RUNX1: variants seen among roughly 807,000 people sequenced by gnomAD.
RUNX1 encodes runt-related transcription factor 1.
In RUNX1, 19 loss-of-function variants were observed where a neutral mutation model predicts 42.8. The ratio of observed to expected loss-of-function variants is 0.44; its 90% confidence interval spans 0.31 to 0.65. The LOEUF (loss-of-function observed/expected upper bound fraction) is 0.65. RUNX1 is among the 30% of genes least tolerant of loss of function. The pLI is 0.07. For synonymous variants in RUNX1, 271 were observed against 289.4 expected (o/e 0.94, Z 0.64); for missense variants, 528 against 672.0 (o/e 0.79, Z 2.37).
chr21:34,889,629 C>G, intron 3 of RUNX1: 1 of 1,085,462 alleles, frequency 9.2e-7, no homozygotes, highest in South Asian at 2.5e-5. Flanking sequence ...GGCCCCCGCT[C>G]CTCTCCCCGC....
intron 2 of RUNX1, among the ~76,000 whole-genome samples, chr21:35,015,169 C>T (rs11700637): frequency 0.036 from 5,468 of 152,264 alleles, 142 homozygotes; most frequent in Admixed American, 0.048. Context: ...ATCCTGGGCA[C>T]GTTCCTAAAT....
chr21:34,991,299 C>T (rs867544457), intron 2 of RUNX1, among the ~76,000 whole-genome samples: 33 of 146,866 alleles, frequency 2.2e-4, no homozygotes, highest in African/African-American at 8.3e-4. Context: ...TGGCTAGATA[C>T]CCCTTGTTAA....
In RUNX1 at chr21:34,789,236, G is replaced by T. The variant is rs566501925; in HGVS notation, c.*2899C>A. On this transcript the variant is annotated 3_prime_UTR_variant, in exon 9 of 9. Coordinates refer to ENST00000675419, the MANE Select transcript of RUNX1 (RefSeq NM_001754.5). The stretch of plus-strand genomic sequence containing the variant: ...TGTGTTCTGAAATTTGGTACTGGGT[G>T]GGGGTATGTGCTATCTGCTTAAGAG... The T allele has an allele frequency of 1.1e-4, 26 of 233,306 alleles. No individual in the cohort carries two copies. Among genetic ancestry groups the T allele is most frequent in the Non-Finnish European group, 1.9e-4 (22 of 118,184 alleles). The allele number at this position is 233,306 out of a possible 1,614,324, so 14.5% of individuals were successfully genotyped here.
chr21:34,810,261 A>C (rs997667789), intron 7 of RUNX1, among the ~76,000 whole-genome samples: 1 of 152,244 alleles, frequency 6.6e-6, no homozygotes, highest in African/African-American at 2.4e-5. Flanking sequence ...CCCAGCAAGC[A>C]GTCTCTGTTG....
intron 2 of RUNX1, among the ~76,000 whole-genome samples, chr21:35,007,654 C>A (rs1167523721): frequency 6.6e-6 from 1 of 152,154 alleles, no homozygotes; most frequent in African/African-American, 2.4e-5. Flanking sequence ...GCCTCTACTC[C>A]TTGCTCTTCA....
chr21:34,791,500 T>G lies in RUNX1; in HGVS notation c.*635A>C, dbSNP rs1423733238. The G allele has an allele frequency of 4.3e-6, 1 of 231,458 alleles. No individual in the cohort carries two copies. The highest frequency in any genetic ancestry group is 8.5e-6 in the Non-Finnish European group (1 of 117,178). 14.3% of individuals were successfully genotyped at this position (231,458 alleles called of 1,614,324 possible). ...GTCCAAAAGAAAAGTTAAATAAAAC[T>G]TAAAGAAAAGGGAATCATATTTCTT... On this transcript the variant is annotated 3_prime_UTR_variant, in exon 9 of 9. Coordinates refer to ENST00000675419, the MANE Select transcript of RUNX1 (RefSeq NM_001754.5).
At chr21:34,874,573 G>A (rs1205526908) in intron 5 of RUNX1, among the ~76,000 whole-genome samples, 1 of 118,332 alleles carries the variant, frequency 8.5e-6, no homozygotes, top group Non-Finnish European at 1.6e-5. Context: ...TCACACCACT[G>A]CACTCCAGCC....
At chr21:34,898,722 A>T (rs1443099215) in intron 2 of RUNX1, among the ~76,000 whole-genome samples, 1 of 152,012 alleles carries the variant, frequency 6.6e-6, no homozygotes, top group Non-Finnish European at 1.5e-5. Flanking sequence ...CTCACCTTTA[A>T]ATTCCCTAGG....
intron 2 of RUNX1, among the ~76,000 whole-genome samples, chr21:34,893,770 G>GTT (rs67786578): frequency 2.9e-5 from 4 of 137,662 alleles, no homozygotes; most frequent in Admixed American, 7.1e-5. Flanking sequence ...TTAGTATGCT[G>GTT]TTTTTTTTTT....
rs746368865 is a variant in RUNX1 at position 34,907,710 on chromosome 21, G to A, written c.59-14747C>T. Among the ~76,000 whole-genome samples the A allele has an allele frequency of 1.3e-5, 2 of 152,158 alleles. No homozygotes were observed. Among genetic ancestry groups the A allele is most frequent in the Non-Finnish European group, 2.9e-5 (2 of 68,038 alleles). ...GAAAACCAATTAAATCATAACTGCC[G>A]AAGTGCCTTGTCAAGCTAAACAGTC... On this transcript the variant is annotated intron_variant, in intron 2 of 8. Transcript: ENST00000675419. The surrounding 1 kb of genome is among the most constrained non-coding windows in gnomAD (Gnocchi z 5.3).
intron 7 of RUNX1, 187 bp downstream of exon 7, chr21:34,834,223 G>C (rs1324497897): frequency 1.4e-6 from 1 of 711,156 alleles, no homozygotes; most frequent in Non-Finnish European, 2.5e-6. Context: ...CGGTGGGTCT[G>C]GGGTGGGTGG....
chr21:34,867,433 C>T (rs777909023), intron 5 of RUNX1, among the ~76,000 whole-genome samples: 12 of 152,038 alleles, frequency 7.9e-5, no homozygotes, highest in Non-Finnish European at 1.8e-4. Context: ...GAGTAAGACC[C>T]TGTCTCTAAA....
At chr21:34,922,332 G>A (rs147643718) in intron 2 of RUNX1, among the ~76,000 whole-genome samples, 202 of 152,214 alleles carry the variant, frequency 1.3e-3, no homozygotes, top group South Asian at 2.9e-3. Flanking sequence ...TACCATCCCT[G>A]GGCTAGGAAC....
chr21:35,002,691 C>A (rs546374497), intron 2 of RUNX1, among the ~76,000 whole-genome samples: 1 of 152,164 alleles, frequency 6.6e-6, no homozygotes, highest in Non-Finnish European at 1.5e-5. Context: ...CCCTCCCAAA[C>A]TGCTGGGATT....
rs140513866 is a variant in RUNX1 at position 34,974,671 on chromosome 21, C to T, written c.58+74171G>A. Among the ~76,000 whole-genome samples the T allele has an allele frequency of 4.4e-3, 670 of 152,284 alleles. 9 individuals are homozygous for T. The highest frequency in any genetic ancestry group is 0.015 in the African/African-American group (637 of 41,558). On this transcript the variant is annotated intron_variant, in intron 2 of 8. Coordinates refer to ENST00000675419, the MANE Select transcript of RUNX1 (RefSeq NM_001754.5). ...TGCCAACTCCTGCTCCTGCTCTCTG[C>T]CGGCACTCCTTCTAGAAACGGCCTT...
chr21:34,867,253 A>G (rs900055325), intron 5 of RUNX1, among the ~76,000 whole-genome samples: 1 of 151,732 alleles, frequency 6.6e-6, no homozygotes, highest in African/African-American at 2.4e-5. Flanking sequence ...AAAAAATAAA[A>G]TAAAATAAAA....
At chr21:34,986,570 T>C (rs2058889479) in intron 2 of RUNX1, among the ~76,000 whole-genome samples, 1 of 147,996 alleles carries the variant, frequency 6.8e-6, no homozygotes, top group Non-Finnish European at 1.5e-5. Context: ...CATACTAGAT[T>C]AGGTTGGCTG....
At chr21:34,987,376 G>A (rs78467249) in intron 2 of RUNX1, among the ~76,000 whole-genome samples, 1,558 of 152,226 alleles carry the variant, frequency 0.01, 20 homozygotes, top group African/African-American at 0.035. Context: ...AGAGATCTTC[G>A]GGGCTCCAGA....
intron 5 of RUNX1, among the ~76,000 whole-genome samples, chr21:34,877,437 A>C (rs1601509558): frequency 6.6e-6 from 1 of 152,164 alleles, no homozygotes; most frequent in Non-Finnish European, 1.5e-5. Flanking sequence ...CCCGGTCCCC[A>C]GAGCTCCCTA....
Sources: allele counts gnomAD v4.1 joint callset (sites outside exome capture counted in the v4.1 genomes callset), GRCh38; gene constraint gnomAD v4.1.1; non-coding constraint Gnocchi (gnomAD v3.1); transcripts MANE v1.5; gene names NCBI Gene and HGNC (gene_info 2026-07-23, HGNC 2026-07-21).